Variants in CNBD1 observed in about 807,000 individuals in gnomAD.
CNBD1 encodes cyclic nucleotide binding domain containing 1, also known as cyclic nucleotide-binding domain-containing protein 1.
A neutral mutation model predicts 54.4 loss-of-function variants in CNBD1; 71 were observed. The observed-to-expected ratio is 1.30, with a 90% CI of 1.08 to 1.59. The LOEUF (loss-of-function observed/expected upper bound fraction) is 1.59. Ranked by LOEUF, CNBD1 falls within the 40% of genes most tolerant of loss-of-function variation. The pLI, the probability that CNBD1 is intolerant of heterozygous loss-of-function variation, is 0.00. For missense variants in CNBD1, 659 were observed against 518.0 expected, an observed-to-expected ratio of 1.27 and a Z score of -2.64; for synonymous variants, 182 against 170.7, an observed-to-expected ratio of 1.07 and a Z score of -0.51.
intron 1 of CNBD1, among the ~76,000 whole-genome samples, chr8:86,868,095 T>C (rs985203019): frequency 6.6e-6 from 1 of 152,170 alleles, no homozygotes; most frequent in African/African-American, 2.4e-5. Flanking sequence ...GTCTCACTGC[T>C]GAAACAATGA....
chr8:86,915,177 G>A (rs2131818783), intron 3 of CNBD1, among the ~76,000 whole-genome samples: 1 of 152,300 alleles, frequency 6.6e-6, no homozygotes, highest in East Asian at 1.9e-4. Context: ...AGGAATGTGG[G>A]AAATGGTCCT....
chr8:87,087,897 C>T (rs576745746), intron 4 of CNBD1, among the ~76,000 whole-genome samples: 1 of 152,246 alleles, frequency 6.6e-6, no homozygotes, highest in African/African-American at 2.4e-5. Context: ...AAAGGTCATG[C>T]GGTCAGCAGG....
chr8:86,891,244 C>A (rs780342210), intron 2 of CNBD1, among the ~76,000 whole-genome samples: 2 of 152,018 alleles, frequency 1.3e-5, no homozygotes, highest in African/African-American at 4.8e-5. Flanking sequence ...TGTATTTAAT[C>A]ATTTTGAGTT....
intron 4 of CNBD1, among the ~76,000 whole-genome samples, chr8:87,154,203 G>T (rs1435608359): frequency 2.6e-5 from 4 of 152,092 alleles, no homozygotes; most frequent in Non-Finnish European, 4.4e-5. Context: ...CTCCAATTTG[G>T]TGTAATAGAA....
At chr8:86,931,417 T>A (rs1433297504) in intron 3 of CNBD1, among the ~76,000 whole-genome samples, 1 of 152,198 alleles carries the variant, frequency 6.6e-6, no homozygotes, top group Non-Finnish European at 1.5e-5. Context: ...GCTGTGCACC[T>A]TCCAGTGATT....
In CNBD1 at chr8:86,957,270, G is replaced by C. The variant is rs139311221; in HGVS notation, c.431+17516G>C. Among the ~76,000 whole-genome samples, 349 of 152,310 alleles carry C rather than the reference G, an allele frequency of 2.3e-3. 1 individual carries two copies. The highest frequency in any genetic ancestry group is 0.01 in the Middle Eastern group (3 of 294). The stretch of plus-strand genomic sequence containing the variant: ...GATTTTTGCATCGATGTTCATCAGG[G>C]ATATTGATCTAAAATTATGTTTTTT... On this transcript the variant is annotated intron_variant, in intron 4 of 10. Coordinates refer to ENST00000518476, the MANE Select transcript of CNBD1 (RefSeq NM_173538.3).
At chr8:87,397,808 A>G (rs1255408685) in intron 2 of CNBD1, among the ~76,000 whole-genome samples, 1 of 151,954 alleles carries the variant, frequency 6.6e-6, no homozygotes, top group African/African-American at 2.4e-5. Flanking sequence ...ATGGTGGTTG[A>G]TGACTGAATC....
chr8:86,971,403 A>G (rs547080393), intron 4 of CNBD1, among the ~76,000 whole-genome samples: 82 of 152,330 alleles, frequency 5.4e-4, no homozygotes, highest in African/African-American at 1.9e-3. Context: ...TTGCAATTTG[A>G]GATGAGATTT....
intron 4 of CNBD1, among the ~76,000 whole-genome samples, chr8:87,077,757 T>C (rs1810904508): frequency 6.6e-6 from 1 of 152,048 alleles, no homozygotes. Flanking sequence ...TCATCCTTTT[T>C]TATGGCTGCA....
chr8:87,070,152 G>T (rs1337846709), intron 4 of CNBD1, among the ~76,000 whole-genome samples: 3 of 152,106 alleles, frequency 2.0e-5, no homozygotes, highest in African/African-American at 4.8e-5. Flanking sequence ...GGTGAGGAAA[G>T]ATCCTTCTTC....
At chr8:87,115,789 C>A (rs1206054532) in intron 4 of CNBD1, among the ~76,000 whole-genome samples, 1 of 152,172 alleles carries the variant, frequency 6.6e-6, no homozygotes, top group Admixed American at 6.5e-5. Context: ...TCTAAAAGGT[C>A]AAAGATACTG....
At chr8:87,170,882 G>A (rs1813070875) in intron 4 of CNBD1, among the ~76,000 whole-genome samples, 1 of 152,068 alleles carries the variant, frequency 6.6e-6, no homozygotes, top group South Asian at 2.1e-4. Flanking sequence ...CATGATGAAT[G>A]ATCTTCTTAC....
At chr8:87,222,810 C>A (rs1045587155) in intron 5 of CNBD1, among the ~76,000 whole-genome samples, 1 of 151,978 alleles carries the variant, frequency 6.6e-6, no homozygotes, top group African/African-American at 2.4e-5. Context: ...TTTTTAATGC[C>A]TTCTGTTCAT....
chr8:87,079,048 A>T (rs898668590), intron 4 of CNBD1, among the ~76,000 whole-genome samples: 54 of 148,762 alleles, frequency 3.6e-4, no homozygotes, highest in African/African-American at 1.2e-3. Flanking sequence ...GAAACTACCA[A>T]TTTTTTTTTT....
downstream of CNBD1, among the ~76,000 whole-genome samples, chr8:87,386,516 G>A (rs867474047): frequency 6.6e-6 from 1 of 152,096 alleles, no homozygotes; most frequent in South Asian, 2.1e-4. Context: ...GGGTATCAGT[G>A]ATTGAAGATC....
chr8:86,897,653 G>T (rs1808866729), intron 2 of CNBD1, among the ~76,000 whole-genome samples: 1 of 152,120 alleles, frequency 6.6e-6, no homozygotes, highest in Non-Finnish European at 1.5e-5. Flanking sequence ...TAAAGAGAAA[G>T]CAAAAATATA....
At chr8:87,222,376 C>A (rs1025262058) in intron 5 of CNBD1, among the ~76,000 whole-genome samples, 2 of 152,094 alleles carry the variant, frequency 1.3e-5, no homozygotes, top group Admixed American at 6.6e-5. Flanking sequence ...AGAGAGCAGT[C>A]AGTTTCTTCT....
At chr8:86,965,651 G>T (rs191685271) in intron 4 of CNBD1, among the ~76,000 whole-genome samples, 2 of 152,088 alleles carry the variant, frequency 1.3e-5, no homozygotes, top group South Asian at 4.1e-4. Context: ...AAAATGTTAC[G>T]GGATCTTTGG....
chr8:87,099,065 A>AAAAAAAAAAAAAAAAAAAAC (rs978372704), intron 4 of CNBD1, among the ~76,000 whole-genome samples: 1 of 143,984 alleles, frequency 6.9e-6, no homozygotes, highest in African/African-American at 2.8e-5. Flanking sequence ...AAAAAACAAA[A>AAAAAAAAAAAAAAAAAAAAC]CTCCAAATTT....
Sources: gnomAD v4.1 joint callset for allele counts (sites outside exome capture counted in the v4.1 genomes callset) on GRCh38, gnomAD v4.1.1 for gene constraint, MANE v1.5 for transcripts, NCBI Gene and HGNC (gene_info 2026-07-23, HGNC 2026-07-21) for gene names.